The following NAP1L4 variants were observed in gnomAD, a reference collection of about 807,000 sequenced individuals.
NAP1L4 encodes nucleosome assembly protein 1-like 4.
Under a neutral mutation model 58.2 loss-of-function variants are expected in NAP1L4, and 15 were observed. That is an observed-to-expected ratio of 0.26 (90% CI 0.17 to 0.40). The LOEUF (loss-of-function observed/expected upper bound fraction) is 0.40, where lower values mean the gene tolerates loss of function less well. NAP1L4 is among the 10% of genes least tolerant of loss of function. NAP1L4 has a pLI of 1.00. For synonymous variants in NAP1L4, 171 were observed against 155.6 expected (o/e 1.10, Z -0.74); for missense variants, 384 against 451.1 (o/e 0.85, Z 1.35).
intron 6 of NAP1L4, among the ~76,000 whole-genome samples, chr11:2,970,291 A>G (rs1847560686): frequency 6.6e-6 from 1 of 152,204 alleles, no homozygotes; most frequent in African/African-American, 2.4e-5. Context: ...CTGTACATCA[A>G]CCTTAAGGAG....
intron 4 of NAP1L4, among the ~76,000 whole-genome samples, chr11:2,973,122 C>G (rs539097579): frequency 6.6e-6 from 1 of 152,310 alleles, no homozygotes; most frequent in African/African-American, 2.4e-5. Flanking sequence ...ATATTTAGTG[C>G]CACGTGGGAA....
In NAP1L4 at chr11:2,958,403, C is replaced by G; in HGVS notation, c.888G>C (p.Leu296Phe). ...ATTAACAACCAACAGACTTGCCTTT[C>G]AATGGATTGAAGAAGTTGAAAAAGG... is the stretch of plus-strand genomic sequence containing the variant. ...NESFFNFFNP[L>F]KASGDGESLD... Residue 296 changes from leucine to phenylalanine, a missense_variant, in exon 10 of 16, where the codon TTG (leucine) becomes TTC (phenylalanine). Around this residue, in one of 3 missense-constraint regions of NAP1L4, gnomAD observed 296 missense variants for 360.8 expected, o/e 0.82. Transcript: ENST00000380542. 6.2e-7 allele frequency: 1 copy of G among 1,613,904 alleles called. No individual in the cohort carries two copies. The highest frequency in any genetic ancestry group is 8.5e-7 in the Non-Finnish European group (1 of 1,179,926).
chr11:2,956,606 C>A (rs1846556364), intron 10 of NAP1L4, among the ~76,000 whole-genome samples: 1 of 152,212 alleles, frequency 6.6e-6, no homozygotes, highest in South Asian at 2.1e-4. Flanking sequence ...AAACACCACC[C>A]ATGAGTGAGG....
At chr11:2,979,531 G>C (rs1229543474) in intron 1 of NAP1L4, among the ~76,000 whole-genome samples, 2 of 152,116 alleles carry the variant, frequency 1.3e-5, no homozygotes, top group Non-Finnish European at 2.9e-5. Flanking sequence ...CAAGCACTTT[G>C]GGAGGCCGAG....
chr11:2,959,776 C>G lies in NAP1L4; in HGVS notation c.740G>C (p.Cys247Ser), dbSNP rs904228084. The change falls in exon 9 of 16, where the codon TGT becomes TCT. Residue 247 changes from cysteine to serine, a missense_variant. Transcript: ENST00000380542. This position sits in a 1 kb window ranked among gnomAD's most constrained non-coding sequence, Gnocchi z 4.9. ...TAGAATGACATTTTCTTACCCGTCA[C>G]AGTCCACAATCTCAGGACCTTCAAA... The part of the protein sequence containing the change: ...FSFEGPEIVD[C>S]DGCTIDWKKG... The G allele has an allele frequency of 6.2e-7, 1 of 1,612,836 alleles. No individual in the cohort carries two copies. The highest frequency in any genetic ancestry group is 1.3e-5 in the African/African-American group (1 of 74,898).
chr11:2,948,073 G>C lies in NAP1L4; in HGVS notation c.*32+1154C>G, dbSNP rs897230332. 1.3e-5 allele frequency among the ~76,000 whole-genome samples: 2 copies of C among 151,914 alleles called. No individual in the cohort carries two copies. The highest frequency in any genetic ancestry group is 2.9e-5 in the Non-Finnish European group (2 of 67,990). On this transcript the variant is annotated intron_variant, in intron 15 of 15. Transcript: ENST00000380542. This position sits in a 1 kb window ranked among gnomAD's most constrained non-coding sequence, Gnocchi z 5.1. ...CATGGGAGGGGTGGCGTGGGAGAGT[G>C]GGTGAGGGTACAGGTGGAATAAGAG...
intron 1 of NAP1L4, among the ~76,000 whole-genome samples, chr11:2,985,726 A>C (rs1161204922): frequency 6.6e-6 from 1 of 150,802 alleles, no homozygotes; most frequent in East Asian, 1.9e-4. Context: ...AAGACAATCA[A>C]GTTAAATTAT....
At chr11:2,990,872 T>C in intron 1 of NAP1L4, 1 of 328,752 alleles carries the variant, frequency 3.0e-6, no homozygotes, top group Non-Finnish European at 6.2e-6. Flanking sequence ...GAGGTATAGT[T>C]ACTATTACAG....
At chr11:2,978,464 C>G in intron 2 of NAP1L4, 122 bp from the exon 3 acceptor site, 1 of 801,088 alleles carries the variant, frequency 1.2e-6, no homozygotes, top group Non-Finnish European at 2.0e-6. Flanking sequence ...CAGATTTGGG[C>G]AGAAGAAAAC....
In NAP1L4 at chr11:2,944,971, G is replaced by C. The variant is rs1435510453; in HGVS notation, c.*708C>G. ...GAAAAGCCGCAGTCCTCACAGGCAA[G>C]AAGGGATAAATAAATATGAGGTGAC... On this transcript the variant is annotated 3_prime_UTR_variant, in exon 16 of 16. Coordinates refer to ENST00000380542, the MANE Select transcript of NAP1L4 (RefSeq NM_005969.4). 6.6e-6 allele frequency: 1 copy of C among 151,978 alleles called. No individual in the cohort carries two copies. The highest frequency in any genetic ancestry group is 2.4e-5 in the African/African-American group (1 of 41,370). 9.4% of individuals were successfully genotyped at this position (151,978 alleles called of 1,614,324 possible).
chr11:2,963,760 C>G (rs745515081), intron 8 of NAP1L4: 1 of 519,302 alleles, frequency 1.9e-6, no homozygotes, highest in African/African-American at 1.9e-5. Flanking sequence ...ACCCACAGCC[C>G]GTCATGCAGC....
chr11:2,990,131 ATGTG>A (rs754180817), intron 1 of NAP1L4: 43,893 of 152,004 alleles, frequency 0.29, 7,166 homozygotes, highest in African/African-American at 0.44. Flanking sequence ...AAAGTGTTAT[ATGTG>A]CCTATATGAC....
chr11:2,968,795 T>C (rs1392739545), intron 7 of NAP1L4, among the ~76,000 whole-genome samples: 6 of 152,164 alleles, frequency 3.9e-5, no homozygotes, highest in African/African-American at 1.2e-4. Flanking sequence ...GCTGGAGCAA[T>C]AAAAACTGAC....
chr11:2,964,518 G>A (rs1037318203), intron 8 of NAP1L4, among the ~76,000 whole-genome samples, 162 bp downstream of exon 8: 8 of 152,162 alleles, frequency 5.3e-5, no homozygotes, highest in Non-Finnish European at 1.0e-4. Flanking sequence ...CACACAATGC[G>A]GTACTCAGTC....
intron 7 of NAP1L4, among the ~76,000 whole-genome samples, chr11:2,966,971 G>A (rs1847317505): frequency 6.6e-6 from 1 of 152,150 alleles, no homozygotes. Context: ...GGAAGCAAAG[G>A]CACAACACTG....
chr11:2,978,873 C>T (rs1457793873), intron 2 of NAP1L4, among the ~76,000 whole-genome samples: 2 of 152,184 alleles, frequency 1.3e-5, no homozygotes, highest in African/African-American at 4.8e-5. Flanking sequence ...CTAAAAGTAA[C>T]CCTCAATCCA....
chr11:2,975,152 T>TAAAAA (rs376072968), intron 4 of NAP1L4, among the ~76,000 whole-genome samples: 1 of 142,524 alleles, frequency 7.0e-6, no homozygotes, highest in Admixed American at 7.0e-5. Context: ...CTCATCCCTT[T>TAAAAA]AAAAAAAAAA....
At position 2,971,272 on chromosome 11, in the gene NAP1L4, C is replaced by G. The variant is rs1181367097; in HGVS notation, c.402+176G>C. ...ACTACATCTTACTCCTATTAACTGACAGTACTGTGTCAGATGCTAGATCCA... is the reference window on the plus strand; with the variant it reads ...ACTACATCTTACTCCTATTAACTGAGAGTACTGTGTCAGATGCTAGATCCA... On this transcript the variant is annotated intron_variant, in intron 6 of 15. Coordinates refer to ENST00000380542, the MANE Select transcript of NAP1L4 (RefSeq NM_005969.4). This position sits in a 1 kb window ranked among gnomAD's most constrained non-coding sequence, Gnocchi z 4.2. Among the ~76,000 whole-genome samples the G allele has an allele frequency of 6.6e-6, 1 of 152,204 alleles. No homozygotes were observed. Among genetic ancestry groups the G allele is most frequent in the African/African-American group, 2.4e-5 (1 of 41,446 alleles).
chr11:2,991,268 A>C, intron 1 of NAP1L4: 2 of 393,420 alleles, frequency 5.1e-6, no homozygotes, highest in South Asian at 3.4e-5. Context: ...GGACGGTGGA[A>C]AGTCTTATCA....
Sources: gnomAD v4.1 joint callset for allele counts (sites outside exome capture counted in the v4.1 genomes callset) on GRCh38, gnomAD v4.1.1 for gene constraint, gnomAD v4.1.1 regional missense constraint, Gnocchi (gnomAD v3.1) non-coding constraint, MANE v1.5 for transcripts, NCBI Gene and HGNC (gene_info 2026-07-23, HGNC 2026-07-21) for gene names.